ANAPC1: variants seen among roughly 807,000 people sequenced by gnomAD.
ANAPC1 encodes the protein anaphase promoting complex subunit 1.
A neutral mutation model predicts 208.0 loss-of-function variants in ANAPC1; 36 were observed. That is an observed-to-expected ratio of 0.17 (90% CI 0.13 to 0.23). ANAPC1 has a LOEUF of 0.23. Ranked by LOEUF, ANAPC1 falls within the 10% of genes least tolerant of loss-of-function variation. ANAPC1 has a pLI of 1.00. For missense variants in ANAPC1, 942 were observed against 2,011.6 expected, an observed-to-expected ratio of 0.47 and a Z score of 10.17; for synonymous variants, 378 against 695.2, an observed-to-expected ratio of 0.54 and a Z score of 7.18.
intron 13 of ANAPC1, among the ~76,000 whole-genome samples, chr2:111,851,918 T>C (rs1469319780): frequency 6.6e-6 from 1 of 152,094 alleles, no homozygotes; most frequent in Non-Finnish European, 1.5e-5. Flanking sequence ...AGCTGAAAAC[T>C]TGATAAGACT....
intron 10 of ANAPC1, among the ~76,000 whole-genome samples, chr2:111,859,239 T>C (rs557504136): frequency 7.6e-4 from 115 of 152,192 alleles, no homozygotes; most frequent in African/African-American, 2.6e-3. Context: ...TCCCAGCACT[T>C]TGGGAGGCCG....
At chr2:111,877,042 T>C (rs992473354) in intron 3 of ANAPC1, among the ~76,000 whole-genome samples, 45 of 151,632 alleles carry the variant, frequency 3.0e-4, no homozygotes, top group Admixed American at 5.3e-4. Flanking sequence ...ATTTTCGGAA[T>C]GGGAATGCTG....
chr2:111,861,381 CTCT>C (rs1457237730), intron 10 of ANAPC1, among the ~76,000 whole-genome samples: 4 of 152,160 alleles, frequency 2.6e-5, no homozygotes, highest in African/African-American at 9.7e-5. Flanking sequence ...AGGAAGCCTC[CTCT>C]TCATTAGCCT....
chr2:111,845,251 G>A (rs1680992212), intron 16 of ANAPC1, among the ~76,000 whole-genome samples: 1 of 152,160 alleles, frequency 6.6e-6, no homozygotes, highest in South Asian at 2.1e-4. Flanking sequence ...ACCCAAATCT[G>A]CTTTTAGTAG....
At chr2:111,871,469 G>T (rs2104587843) in intron 6 of ANAPC1, among the ~76,000 whole-genome samples, 1 of 152,228 alleles carries the variant, frequency 6.6e-6, no homozygotes, top group South Asian at 2.1e-4. Context: ...TTGAATTTTT[G>T]GCCAGGTGCG....
Position 111,864,329 on chromosome 2 carries a change from AGATGATGATGATGATGATGAT to A in ANAPC1, c.832-455_832-435del, listed in dbSNP as rs200879980. On this transcript the variant is annotated intron_variant, in intron 8 of 47. Coordinates refer to ENST00000341068, the MANE Select transcript of ANAPC1 (RefSeq NM_022662.4). The stretch of plus-strand genomic sequence containing the variant: ...TGACAGAGTGAGGCCCTGTCTCTAG[AGATGATGATGATGATGATGAT>A]GATGATGATGATGATGATGATGATA... 1.8e-3 allele frequency among the ~76,000 whole-genome samples: 199 copies of A among 110,712 alleles called. 2 individuals carry two copies. The highest frequency in any genetic ancestry group is 6.5e-3 in the African/African-American group (185 of 28,296). 72.6% of individuals were successfully genotyped at this position (110,712 alleles called of 152,430 possible).
chr2:111,873,174 A>C (rs1433754110), intron 5 of ANAPC1, 134 bp downstream of exon 5: 13 of 954,512 alleles, frequency 1.4e-5, no homozygotes, highest in Non-Finnish European at 1.8e-5. Flanking sequence ...AAAGCTGCCA[A>C]AATTTAGTTA....
chr2:111,860,976 T>C (rs941192932), intron 10 of ANAPC1, among the ~76,000 whole-genome samples: 5 of 152,246 alleles, frequency 3.3e-5, no homozygotes, highest in African/African-American at 1.2e-4. Context: ...CCACATTTAT[T>C]GTTCTGCTCT....
In ANAPC1 at chr2:111,834,809, A is replaced by C. The variant is rs756949702; in HGVS notation, c.2179T>G (p.Ser727Ala). The C allele has an allele frequency of 2.0e-5, 33 of 1,611,914 alleles. No individual in the cohort carries two copies. The highest frequency in any genetic ancestry group is 5.0e-5 in the Admixed American group (3 of 59,836). The change falls in exon 19 of 48, where the codon TCT (serine) becomes GCT (alanine). Residue 727 changes from serine to alanine, a missense_variant. By Grantham distance (99) the Ser-to-Ala change is moderately conservative. Transcript: ENST00000341068. ...QNVESHLLNR[S>A]LCLSPSEASQ... ...GCTTCTGAAGGACTCAGACATAAAG[A>C]TCTGTTCAAAAGATGAGACTCAACA...
At position 111,834,817 on chromosome 2, in the gene ANAPC1, A is replaced by G. The variant is rs758275293; in HGVS notation, c.2171T>C (p.Leu724Ser). 3 of 1,610,366 alleles carry G rather than the reference A, an allele frequency of 1.9e-6. No individual in the cohort carries two copies. In the Admixed American group the frequency reaches 5.0e-5, roughly 27 times the overall value. ...AGGACTCAGACATAAAGATCTGTTC[A>G]AAAGATGAGACTCAACATTCTGGTG... ...DYHQNVESHLLNRSLCLSPSE... is the reference protein window; with the variant it reads ...DYHQNVESHLSNRSLCLSPSE... Residue 724 changes from leucine (L) to serine (S), a missense_variant, in exon 19 of 48, where the codon TTG becomes TCG. Transcript: ENST00000341068.
chr2:111,824,753 C>A (rs1416743248), intron 24 of ANAPC1, among the ~76,000 whole-genome samples: 1 of 152,094 alleles, frequency 6.6e-6, no homozygotes, highest in African/African-American at 2.4e-5. Flanking sequence ...AATAAAGATT[C>A]CTTATGCATC....
rs571779480 is a variant in ANAPC1, at chr2:111,863,812, G to C, written c.915C>G (p.Leu305=). 6.2e-7 allele frequency: 1 copy of C among 1,613,956 alleles called. No individual in the cohort carries two copies. Among genetic ancestry groups the C allele is most frequent in the Non-Finnish European group, 8.5e-7 (1 of 1,179,866 alleles). The change falls in exon 9 of 48, where the codon CTC becomes CTG. Residue 305 remains leucine, a synonymous_variant. Coordinates refer to ENST00000341068, the MANE Select transcript of ANAPC1 (RefSeq NM_022662.4). The part of the protein sequence containing the change: ...VATSSSLTAH[L]RSLSKGDSPV... ...GGGAATCTCCTTTGGAGAGGCTTCT[G>C]AGATGTGCTGTGAGGGAGCTGCTAG... is the stretch of plus-strand genomic sequence containing the variant.
At chr2:111,879,124 T>C (rs752901714) in intron 2 of ANAPC1, among the ~76,000 whole-genome samples, 153 bp from the exon 3 acceptor site, 16 of 152,230 alleles carry the variant, frequency 1.1e-4, no homozygotes, top group African/African-American at 3.4e-4. Context: ...TGTGGATATA[T>C]GCATTACACT....
chr2:111,842,512 G>A (rs1455214226), intron 17 of ANAPC1, among the ~76,000 whole-genome samples: 2 of 152,022 alleles, frequency 1.3e-5, no homozygotes, highest in South Asian at 2.1e-4. Flanking sequence ...GCGTGGTGGC[G>A]GGCGCCTGTA....
chr2:111,867,977 TC>T, intron 7 of ANAPC1, 45 bp downstream of exon 7: 1 of 1,333,806 alleles, frequency 7.5e-7, no homozygotes, highest in East Asian at 2.4e-5. Context: ...CTCACCAAAG[TC>T]AAAAAAAAAA....
chr2:111,772,675 C>G (rs1234411575), intron 46 of ANAPC1, among the ~76,000 whole-genome samples, 200 bp from the exon 47 acceptor site: 1 of 151,346 alleles, frequency 6.6e-6, no homozygotes, highest in African/African-American at 2.4e-5. Context: ...TTGGGGGAGA[C>G]AGATATTACA....
At chr2:111,872,244 C>G (rs1020852684) in intron 6 of ANAPC1, among the ~76,000 whole-genome samples, 32 of 152,264 alleles carry the variant, frequency 2.1e-4, no homozygotes, top group African/African-American at 7.2e-4. Context: ...TTGAGATGAT[C>G]ATATGGTTTT....
chr2:111,767,178 A>C (rs28706576), downstream of ANAPC1, among the ~76,000 whole-genome samples: 2 of 148,638 alleles, frequency 1.3e-5, no homozygotes, highest in Non-Finnish European at 3.0e-5. Flanking sequence ...TGTAACTGGC[A>C]TAAGATCCTC....
chr2:111,843,770 C>T (rs970662917), intron 16 of ANAPC1, among the ~76,000 whole-genome samples, 171 bp from the exon 17 acceptor site: 2 of 145,274 alleles, frequency 1.4e-5, no homozygotes, highest in African/African-American at 2.5e-5. Flanking sequence ...TCATCTGAAA[C>T]TAAAACCAAC....
Sources: gnomAD v4.1 joint callset for allele counts (sites outside exome capture counted in the v4.1 genomes callset) on GRCh38, gnomAD v4.1.1 for gene constraint, MANE v1.5 for transcripts, NCBI Gene and HGNC (gene_info 2026-07-23, HGNC 2026-07-21) for gene names.